Variants in RAVER1 observed in about 807,000 individuals in gnomAD.
The protein encoded by RAVER1 is ribonucleoprotein, PTB binding 1.
In RAVER1, 36 loss-of-function variants were observed where a neutral mutation model predicts 68.4. The ratio of observed to expected loss-of-function variants is 0.53; its 90% CI spans 0.40 to 0.70. RAVER1 has a LOEUF of 0.70. Ranked by LOEUF, RAVER1 falls within the 30% of genes least tolerant of loss-of-function variation. The pLI is 0.00. For synonymous variants in RAVER1, 469 were observed against 472.7 expected, an observed-to-expected ratio of 0.99 and a Z score of 0.10; for missense variants, 933 against 1,019.8, an observed-to-expected ratio of 0.91 and a Z score of 1.16.
chr19:10,324,209 C>T (rs914290481), intron 3 of RAVER1, among the ~76,000 whole-genome samples: 2 of 151,820 alleles, frequency 1.3e-5, no homozygotes, highest in African/African-American at 4.8e-5. Flanking sequence ...GAAGGGCTCT[C>T]GTTCCAGACA....
chr19:10,333,191 C>A lies in RAVER1; in HGVS notation c.219+98G>T. The A allele has an allele frequency of 2.4e-6, 3 of 1,254,246 alleles. No individual in the cohort carries two copies. The highest frequency in any genetic ancestry group is 3.3e-6 in the Non-Finnish European group (3 of 917,468). The allele number at this position is 1,254,246 out of a possible 1,614,324, so 77.7% of individuals were successfully genotyped here. On this transcript the variant is annotated intron_variant, in intron 1 of 12. Coordinates refer to ENST00000617231, the MANE Select transcript of RAVER1 (RefSeq NM_133452.3). The surrounding 1 kb of genome is among the most constrained non-coding windows in gnomAD (Gnocchi z 4.2). ...TCCGGTGCTTGGGCGCCCCCGCCAA[C>A]GACCCCCGCGCACCTCAGCGTTGGT...
Position 10,321,227 on chromosome 19 carries a change from G to A in RAVER1, c.1294C>T (p.Arg432Ter). 1 of 1,270,954 alleles carries A rather than the reference G, an allele frequency of 7.9e-7. No individual in the cohort carries two copies. The highest frequency in any genetic ancestry group is 9.9e-7 in the Non-Finnish European group (1 of 1,005,028). The allele number at this position is 1,270,954 out of a possible 1,614,324, so 78.7% of individuals were successfully genotyped here. A position where few individuals can be genotyped will look rare whatever the true frequency, so the allele number is the denominator to read the frequency against. Residue 432 changes from arginine to a stop codon, truncating the protein, a stop_gained, in exon 8 of 13, where the codon CGA becomes TGA. Coordinates refer to ENST00000617231, the MANE Select transcript of RAVER1 (RefSeq NM_133452.3). LOFTEE classifies it high-confidence loss of function. ...GGCAGCAGGGGTGGTGGCTTCCCTCGCCGGGGCGGCAGCTCCGGGGGCAGG... is the reference window on the plus strand; with the variant it reads ...GGCAGCAGGGGTGGTGGCTTCCCTCACCGGGGCGGCAGCTCCGGGGGCAGG... ...GGLPPELPPR[R>*]GKPPPLLPSV... is the part of the protein sequence containing the mutation.
rs528380657 is a variant in RAVER1 at position 10,322,711 on chromosome 19, C to T, written c.1107G>A (p.Pro369=). 1.8e-5 allele frequency: 27 copies of T among 1,522,544 alleles called. No individual in the cohort carries two copies. Among genetic ancestry groups the T allele is most frequent in the Admixed American group, 5.2e-5 (2 of 38,572 alleles). 94.3% of individuals were successfully genotyped at this position (1,522,544 alleles called of 1,614,324 possible). A position where few individuals can be genotyped will look rare whatever the true frequency, so the allele number is the denominator to read the frequency against. The part of the protein sequence containing the change: ...QGLLGAPPAM[P]LLNGPALSTA... The stretch of plus-strand genomic sequence containing the variant: ...TGGACAGGGCTGGCCCATTGAGCAG[C>T]GGCATGGCTGGGGGGGCACCCAGGA... The change falls in exon 6 of 13, where the codon CCG becomes CCA. Residue 369 remains proline (P), a synonymous_variant. Coordinates refer to ENST00000617231, the MANE Select transcript of RAVER1 (RefSeq NM_133452.3). The surrounding 1 kb of genome is among the most constrained non-coding windows in gnomAD (Gnocchi z 4.3).
chr19:10,317,051 T>G lies in RAVER1; in HGVS notation c.*403A>C. 9.3e-6 allele frequency: 2 copies of G among 215,960 alleles called. No individual in the cohort carries two copies. The highest frequency in any genetic ancestry group is 1.8e-5 in the Non-Finnish European group (2 of 111,082). The allele number at this position is 215,960 out of a possible 1,614,324, so 13.4% of individuals were successfully genotyped here. On this transcript the variant is annotated 3_prime_UTR_variant, in exon 13 of 13. Coordinates refer to ENST00000617231, the MANE Select transcript of RAVER1 (RefSeq NM_133452.3). This position sits in a 1 kb window ranked among gnomAD's most constrained non-coding sequence, Gnocchi z 4.3. The stretch of plus-strand genomic sequence containing the variant: ...AGGAAACAGAAGTCAGTTGTCAAAG[T>G]TAAAAAAAAAGGAGACAGTCTCTGT...
At position 10,321,050 on chromosome 19, in the gene RAVER1, CA is replaced by C; in HGVS notation, c.1470del (p.Val492SerfsTer15). ...QKDSGPLPTP[P>X]GVSLLGEPPK... ...CCGCGCGCAGGGCAGGGCCTTACCC[CA>C]GGGGGCGTCGGCAGAGGCCCACTGT... On this transcript the variant is annotated frameshift_variant, in exon 8 of 13. Coordinates refer to ENST00000617231, the MANE Select transcript of RAVER1 (RefSeq NM_133452.3). LOFTEE classifies it high-confidence loss of function. 2 of 1,392,516 alleles carry C rather than the reference CA, an allele frequency of 1.4e-6. No individual in the cohort carries two copies. The highest frequency in any genetic ancestry group is 1.8e-5 in the South Asian group (1 of 54,648). The allele number at this position is 1,392,516 out of a possible 1,614,324, so 86.3% of individuals were successfully genotyped here. A position where few individuals can be genotyped will look rare whatever the true frequency, so the allele number is the denominator to read the frequency against.
At position 10,319,155 on chromosome 19, in the gene RAVER1, G is replaced by T. The variant is rs201069531; in HGVS notation, c.1845+11C>A. 8.7e-4 allele frequency: 1,405 copies of T among 1,613,516 alleles called. 11 individuals are homozygous for T. In the African/African-American group the frequency reaches 0.017, roughly 19 times the overall value. ...CTGATTGCTACACATGCCATACCAG[G>T]TGGCTCTTACCTTGTGTCGGCTGGG... On this transcript the variant is annotated intron_variant, in intron 10 of 12. Coordinates refer to ENST00000617231, the MANE Select transcript of RAVER1 (RefSeq NM_133452.3).
Position 10,316,690 on chromosome 19 carries a change from G to T in RAVER1, c.*764C>A. On this transcript the variant is annotated 3_prime_UTR_variant, in exon 13 of 13. Coordinates refer to ENST00000617231, the MANE Select transcript of RAVER1 (RefSeq NM_133452.3). ...CCCCTTCTACTGTCCCCAGGGTGGA[G>T]ATCCTGGGTAGGGTGGCCCAATCCC... is the stretch of plus-strand genomic sequence containing the variant. The T allele has an allele frequency of 2.2e-6, 1 of 461,266 alleles. No homozygotes were observed. Among genetic ancestry groups the T allele is most frequent in the Non-Finnish European group, 2.9e-6 (1 of 350,040 alleles). The allele number at this position is 461,266 out of a possible 1,614,324, so 28.6% of individuals were successfully genotyped here.
Position 10,317,154 on chromosome 19 carries a change from C to T in RAVER1, c.*300G>A, listed in dbSNP as rs926868048. The T allele has an allele frequency of 4.5e-5, 20 of 446,870 alleles. No homozygotes were observed. The highest frequency in any genetic ancestry group is 8.3e-5 in the African/African-American group (4 of 48,180). The allele number at this position is 446,870 out of a possible 1,614,324, so 27.7% of individuals were successfully genotyped here. Reference sequence around the variant, plus strand: ...CAGGAGCAATGAGGCAGGAGGGCTCCGGAGAGACGGGCACAGCGGAGGAGG... The same window carrying T: ...CAGGAGCAATGAGGCAGGAGGGCTCTGGAGAGACGGGCACAGCGGAGGAGG... On this transcript the variant is annotated 3_prime_UTR_variant, in exon 13 of 13. Coordinates refer to ENST00000617231, the MANE Select transcript of RAVER1 (RefSeq NM_133452.3). The surrounding 1 kb of genome is among the most constrained non-coding windows in gnomAD (Gnocchi z 4.3).
intron 10 of RAVER1, among the ~76,000 whole-genome samples, chr19:10,318,909 G>T (rs1205266960): frequency 1.3e-5 from 2 of 152,200 alleles, no homozygotes; most frequent in African/African-American, 4.8e-5. Flanking sequence ...GCATGGTATG[G>T]TGGCTCATGC....
In RAVER1 at chr19:10,329,327, C is replaced by T. The variant is rs2040497900; in HGVS notation, c.287-216G>A. On this transcript the variant is annotated intron_variant, in intron 2 of 12. Coordinates refer to ENST00000617231, the MANE Select transcript of RAVER1 (RefSeq NM_133452.3). This position sits in a 1 kb window ranked among gnomAD's most constrained non-coding sequence, Gnocchi z 4.6. ...CCACTCCCTCTCCCAGCCCTGCGTCCACCTGCACCCACAGCAGCGCTCACC... is the reference window on the plus strand; with the variant it reads ...CCACTCCCTCTCCCAGCCCTGCGTCTACCTGCACCCACAGCAGCGCTCACC... Among the ~76,000 whole-genome samples the T allele has an allele frequency of 6.6e-6, 1 of 152,226 alleles. No homozygotes were observed. The highest frequency in any genetic ancestry group is 6.5e-5 in the Admixed American group (1 of 15,284).
chr19:10,326,738 G>C (rs898578533), intron 3 of RAVER1, among the ~76,000 whole-genome samples: 1 of 149,364 alleles, frequency 6.7e-6, no homozygotes, highest in Non-Finnish European at 1.5e-5. Flanking sequence ...ACAAGCGTGA[G>C]CCACTGCGCC....
intron 1 of RAVER1, among the ~76,000 whole-genome samples, chr19:10,331,379 AAAAATAAC>A (rs2040515934): frequency 7.7e-6 from 1 of 129,896 alleles, no homozygotes; most frequent in Non-Finnish European, 1.6e-5. Context: ...AAAAAAAAAA[AAAAATAAC>A]AACAACAAAA....
rs1232614885 is a variant in RAVER1, at chr19:10,323,711, T to A, written c.757-145A>T. ...CACTGCCCTGTGCCTCATTCCTGCA[T>A]CAGCTCATCTGATTTTCCCAATGAC... On this transcript the variant is annotated intron_variant, in intron 3 of 12. Coordinates refer to ENST00000617231, the MANE Select transcript of RAVER1 (RefSeq NM_133452.3). This position sits in a 1 kb window ranked among gnomAD's most constrained non-coding sequence, Gnocchi z 6.2. 2.5e-6 allele frequency: 2 copies of A among 815,732 alleles called. No homozygotes were observed. Among genetic ancestry groups the A allele is most frequent in the Non-Finnish European group, 3.7e-6 (2 of 535,768 alleles). The allele number at this position is 815,732 out of a possible 1,614,324, so 50.5% of individuals were successfully genotyped here.
chr19:10,328,874 T>C lies in RAVER1; in HGVS notation c.524A>G (p.Tyr175Cys), dbSNP rs1186728432. ...CTTCTTCATGTACTCAGCAAAGCCA[T>C]AGCCCTTGGATTGGCCAGTGCGCTC... ...YSERTGQSKG[Y>C]GFAEYMKKDS... The change falls in exon 3 of 13, where the codon TAT (tyrosine) becomes TGT (cysteine). Residue 175 changes from tyrosine (Y) to cysteine (C), a missense_variant. Coordinates refer to ENST00000617231, the MANE Select transcript of RAVER1 (RefSeq NM_133452.3). This position sits in a 1 kb window ranked among gnomAD's most constrained non-coding sequence, Gnocchi z 4.4. The C allele has an allele frequency of 6.2e-7, 1 of 1,613,422 alleles. No homozygotes were observed.
At chr19:10,332,885 A>G (rs2040532959) in intron 1 of RAVER1, among the ~76,000 whole-genome samples, 1 of 152,120 alleles carries the variant, frequency 6.6e-6, no homozygotes, top group African/African-American at 2.4e-5. Context: ...GCAGTCCTGA[A>G]ACTTCTGGAT....
At position 10,323,460 on chromosome 19, in the gene RAVER1, C is replaced by G. The variant is rs377298075; in HGVS notation, c.863G>C (p.Gly288Ala). 3.1e-6 allele frequency: 5 copies of G among 1,610,072 alleles called. No homozygotes were observed. Among genetic ancestry groups the G allele is most frequent in the African/African-American group, 1.3e-5 (1 of 75,036 alleles). The change falls in exon 4 of 13, where the codon GGG becomes GCG. Residue 288 changes from glycine to alanine, a missense_variant. By Grantham distance (60) the Gly-to-Ala change is moderately conservative. Coordinates refer to ENST00000617231, the MANE Select transcript of RAVER1 (RefSeq NM_133452.3). The surrounding 1 kb of genome is among the most constrained non-coding windows in gnomAD (Gnocchi z 6.2). ...AQQQADGLSLGGSHLRVSFCA... is the reference protein window; with the variant it reads ...AQQQADGLSLAGSHLRVSFCA... ...GAAGGAGACTCGCAGGTGGCTGCCCCCCAGGGACAGGCCGTCCGCCTGCTG... is the reference window on the plus strand; with the variant it reads ...GAAGGAGACTCGCAGGTGGCTGCCCGCCAGGGACAGGCCGTCCGCCTGCTG...
At position 10,333,273 on chromosome 19, in the gene RAVER1, C is replaced by A. The variant is rs755357858; in HGVS notation, c.219+16G>T. 1.2e-6 allele frequency: 2 copies of A among 1,609,438 alleles called. No individual in the cohort carries two copies. Among genetic ancestry groups the A allele is most frequent in the Non-Finnish European group, 1.7e-6 (2 of 1,176,698 alleles). ...TGGTATTTCCCGCCACGCTCCTACA[C>A]CGCCCCCCCCAATACCTGGTTGGTC... On this transcript the variant is annotated intron_variant, in intron 1 of 12. Coordinates refer to ENST00000617231, the MANE Select transcript of RAVER1 (RefSeq NM_133452.3). The surrounding 1 kb of genome is among the most constrained non-coding windows in gnomAD (Gnocchi z 4.2).
chr19:10,318,393 G>A, intron 10 of RAVER1, 21 bp from the exon 11 acceptor site: 2 of 1,574,992 alleles, frequency 1.3e-6, no homozygotes, highest in Non-Finnish European at 1.7e-6. Context: ...AGGGCCGGTG[G>A]AGTGAAGCAG....
chr19:10,316,238 C>T lies in RAVER1; in HGVS notation c.*1216G>A. 7.3e-7 allele frequency: 1 copy of T among 1,362,952 alleles called. No individual in the cohort carries two copies. Among genetic ancestry groups the T allele is most frequent in the Middle Eastern group, 2.7e-4 (1 of 3,656 alleles). 84.4% of individuals were successfully genotyped at this position (1,362,952 alleles called of 1,614,324 possible). On this transcript the variant is annotated 3_prime_UTR_variant, in exon 13 of 13. Coordinates refer to ENST00000617231, the MANE Select transcript of RAVER1 (RefSeq NM_133452.3). ...TTCTTTAAAACCATTTACTTACAAACTTTAATTCAGCAAAGGTCCGTGTGG... is the reference window on the plus strand; with the variant it reads ...TTCTTTAAAACCATTTACTTACAAATTTTAATTCAGCAAAGGTCCGTGTGG...
Sources: gnomAD v4.1 joint callset for allele counts (sites outside exome capture counted in the v4.1 genomes callset) on GRCh38, gnomAD v4.1.1 for gene constraint, Gnocchi (gnomAD v3.1) non-coding constraint, MANE v1.5 for transcripts, NCBI Gene and HGNC (gene_info 2026-07-23, HGNC 2026-07-21) for gene names.